The following AGBL4 variants were observed in gnomAD, a reference collection of about 807,000 sequenced individuals.
AGBL4 encodes cytosolic carboxypeptidase 6.
Under a neutral mutation model 66.4 loss-of-function variants are expected in AGBL4, and 58 were observed. The observed-to-expected ratio is 0.87, with a 90% confidence interval of 0.71 to 1.09. The LOEUF (loss-of-function observed/expected upper bound fraction) is 1.09, where lower values mean the gene tolerates loss of function less well. AGBL4 is among the 50% of genes least tolerant of loss of function. AGBL4 has a pLI of 0.00. For missense variants in AGBL4, 579 were observed against 631.0 expected (o/e 0.92, Z 0.88); for synonymous variants, 234 against 222.9 (o/e 1.05, Z -0.44).
At chr1:50,019,851 G>A (rs887372044) in intron 1 of AGBL4, among the ~76,000 whole-genome samples, 2 of 152,020 alleles carry the variant, frequency 1.3e-5, no homozygotes, top group Non-Finnish European at 2.9e-5. Context: ...GTAATTAACT[G>A]TAAGGTTTTC....
Position 49,951,412 on chromosome 1 carries a change from C to G in AGBL4, c.34+72351G>C, listed in dbSNP as rs1353463761. 2.0e-5 allele frequency among the ~76,000 whole-genome samples: 3 copies of G among 151,848 alleles called. No homozygotes were observed. In the East Asian group the frequency reaches 5.8e-4, roughly 29 times the overall value. On this transcript the variant is annotated intron_variant, in intron 1 of 13. Transcript: ENST00000371839. ...TTAACAAGAACTATCAAAAAAGACT[C>G]TGCAAAAAAACACAACTTTGCACAA...
At chr1:49,761,114 T>C (rs1652275027) in intron 2 of AGBL4, among the ~76,000 whole-genome samples, 1 of 150,550 alleles carries the variant, frequency 6.6e-6, no homozygotes, top group Admixed American at 6.6e-5. Flanking sequence ...AACCTGCATG[T>C]TCTGCACATG....
chr1:49,983,949 T>G (rs1659295575), intron 1 of AGBL4, among the ~76,000 whole-genome samples: 1 of 152,192 alleles, frequency 6.6e-6, no homozygotes, highest in Non-Finnish European at 1.5e-5. Flanking sequence ...TGGCTTGTTA[T>G]ACTCTCCCTC....
chr1:49,741,918 T>A (rs1650522329), intron 2 of AGBL4, among the ~76,000 whole-genome samples: 1 of 152,002 alleles, frequency 6.6e-6, no homozygotes, highest in Non-Finnish European at 1.5e-5. Context: ...ATAAGAGCTA[T>A]CTATGACAAA....
intron 3 of AGBL4, among the ~76,000 whole-genome samples, chr1:49,390,481 CTG>C (rs1446840354): frequency 1.3e-5 from 2 of 152,298 alleles, no homozygotes; most frequent in East Asian, 1.9e-4. Flanking sequence ...AAGGAAGAAA[CTG>C]TGTGTATTAC....
At chr1:49,440,988 G>A (rs1263043498) in intron 3 of AGBL4, among the ~76,000 whole-genome samples, 1 of 152,090 alleles carries the variant, frequency 6.6e-6, no homozygotes, top group Non-Finnish European at 1.5e-5. Flanking sequence ...TTCCACCTTT[G>A]TCTGAGGAGC....
rs189043667 is a variant in AGBL4, at chr1:48,622,565, C to T, written c.951+11928G>A. Among the ~76,000 whole-genome samples the T allele has an allele frequency of 3.4e-3, 500 of 146,350 alleles. 3 individuals are homozygous for T. Among genetic ancestry groups the T allele is most frequent in the African/African-American group, 0.012 (475 of 39,354 alleles). On this transcript the variant is annotated intron_variant, in intron 9 of 13. Coordinates refer to ENST00000371839, the MANE Select transcript of AGBL4 (RefSeq NM_032785.4). ...ATGGCACAATCTCGGCTCACTGCAA[C>T]CTCTGCCTCCCGGGTTCAAGGGATT...
At chr1:49,159,102 A>G (rs1646491639) in intron 4 of AGBL4, among the ~76,000 whole-genome samples, 1 of 151,748 alleles carries the variant, frequency 6.6e-6, no homozygotes, top group Non-Finnish European at 1.5e-5. Flanking sequence ...TGATCCTGTC[A>G]TTATGATGCT....
chr1:49,583,267 A>G (rs1312049997), intron 3 of AGBL4, among the ~76,000 whole-genome samples: 1 of 152,138 alleles, frequency 6.6e-6, no homozygotes, highest in Admixed American at 6.5e-5. Context: ...TCCACATACT[A>G]AGAGGGTGGC....
At chr1:49,807,445 A>G (rs1348608908) in intron 2 of AGBL4, among the ~76,000 whole-genome samples, 1 of 152,170 alleles carries the variant, frequency 6.6e-6, no homozygotes, top group Non-Finnish European at 1.5e-5. Flanking sequence ...CCCTTTTAGA[A>G]TGAGAGTATC....
chr1:48,663,649 G>T (rs754204846), intron 6 of AGBL4, among the ~76,000 whole-genome samples: 1 of 152,106 alleles, frequency 6.6e-6, no homozygotes, highest in Non-Finnish European at 1.5e-5. Flanking sequence ...TAATAGGTTT[G>T]TTGTGATGAT....
intron 3 of AGBL4, among the ~76,000 whole-genome samples, chr1:49,574,452 C>A (rs1191911407): frequency 1.3e-5 from 2 of 152,124 alleles, no homozygotes; most frequent in Non-Finnish European, 1.5e-5. Context: ...GGAAGGGATC[C>A]AAAGGCTTAG....
intron 3 of AGBL4, among the ~76,000 whole-genome samples, chr1:49,681,674 T>C (rs72901892): frequency 0.068 from 10,331 of 152,238 alleles, 1,108 homozygotes; most frequent in African/African-American, 0.22. Flanking sequence ...TACTACATCT[T>C]TCTGGAGCCA....
chr1:48,710,012 A>G (rs60638608), intron 6 of AGBL4, among the ~76,000 whole-genome samples: 5,880 of 152,272 alleles, frequency 0.039, 340 homozygotes, highest in African/African-American at 0.12. Context: ...GAGGAACCAG[A>G]GGCACAGAGA....
At chr1:49,939,720 A>G (rs2148289090) in intron 1 of AGBL4, among the ~76,000 whole-genome samples, 1 of 152,314 alleles carries the variant, frequency 6.6e-6, no homozygotes, top group African/African-American at 2.4e-5. Flanking sequence ...GATTAGACTT[A>G]AACGTTAGAC....
chr1:48,752,656 T>C (rs1651924853), intron 6 of AGBL4, among the ~76,000 whole-genome samples: 1 of 152,200 alleles, frequency 6.6e-6, no homozygotes, highest in South Asian at 2.1e-4. Context: ...CATTTTCTCA[T>C]GCACATCTTC....
At chr1:49,888,257 T>TA (rs1648272901) in intron 1 of AGBL4, among the ~76,000 whole-genome samples, 1 of 152,142 alleles carries the variant, frequency 6.6e-6, no homozygotes. Context: ...ATCAATATTA[T>TA]AAAAAATTAA....
chr1:49,928,756 T>C (rs1010161575), intron 1 of AGBL4, among the ~76,000 whole-genome samples: 3 of 150,936 alleles, frequency 2.0e-5, no homozygotes, highest in African/African-American at 7.3e-5. Context: ...ATAAAGAAAA[T>C]CCTTTCTCAA....
chr1:49,623,838 T>C (rs1354402023), intron 3 of AGBL4, among the ~76,000 whole-genome samples: 1 of 152,162 alleles, frequency 6.6e-6, no homozygotes, highest in Non-Finnish European at 1.5e-5. Flanking sequence ...AGCATAATGG[T>C]TAAAAGAAAG....
Sources: allele counts gnomAD v4.1 joint callset (sites outside exome capture counted in the v4.1 genomes callset), GRCh38; gene constraint gnomAD v4.1.1; transcripts MANE v1.5; gene names NCBI Gene and HGNC (gene_info 2026-07-23, HGNC 2026-07-21).